NT5DC1: variants seen among roughly 807,000 people sequenced by gnomAD.
NT5DC1 encodes the protein 5'-nucleotidase domain containing 1.
In NT5DC1, 42 loss-of-function variants were observed where a neutral mutation model predicts 59.4. That is an observed-to-expected ratio of 0.71 (90% CI 0.55 to 0.92). The LOEUF is 0.92. Ranked by LOEUF, NT5DC1 falls within the 40% of genes least tolerant of loss-of-function variation. NT5DC1 has a pLI of 0.00. For missense variants in NT5DC1, 501 were observed against 537.1 expected (o/e 0.93, Z 0.66); for synonymous variants, 172 against 188.1 (o/e 0.91, Z 0.70).
intron 6 of NT5DC1, among the ~76,000 whole-genome samples, chr6:116,129,961 G>A (rs111517838): frequency 3.3e-5 from 5 of 151,898 alleles, no homozygotes; most frequent in African/African-American, 1.2e-4. Flanking sequence ...ACATTTTTTG[G>A]CAAGAACCCT....
chr6:116,241,939 C>CA lies in NT5DC1; in HGVS notation c.1253-1966dup, dbSNP rs1280732737. Among the ~76,000 whole-genome samples, 11 of 12,026 alleles carry CA rather than the reference C, an allele frequency of 9.1e-4. 2 individuals carry two copies. Among genetic ancestry groups the CA allele is most frequent in the African/African-American group, 2.1e-3 (7 of 3,340 alleles). 7.9% of individuals were successfully genotyped at this position (12,026 alleles called of 152,430 possible). On this transcript the variant is annotated intron_variant, in intron 11 of 11. Coordinates refer to ENST00000319550, the MANE Select transcript of NT5DC1 (RefSeq NM_152729.3). ...CTCCGTCTCAAAAAAAAAAAAAAAA[C>CA]AAAACAAAAAAAAAAAAAAACAAAG...
chr6:116,130,646 A>G (rs894907872), intron 6 of NT5DC1, among the ~76,000 whole-genome samples: 5 of 152,096 alleles, frequency 3.3e-5, no homozygotes, highest in African/African-American at 1.2e-4. Context: ...TAAGAAACGT[A>G]TGCACAGGGT....
At chr6:116,132,223 A>G (rs1169892461) in intron 6 of NT5DC1, among the ~76,000 whole-genome samples, 1 of 152,148 alleles carries the variant, frequency 6.6e-6, no homozygotes, top group Non-Finnish European at 1.5e-5. Context: ...AGCATCACCA[A>G]CAGGATATGT....
At chr6:116,154,944 C>G (rs1429414271) in intron 6 of NT5DC1, among the ~76,000 whole-genome samples, 1 of 152,060 alleles carries the variant, frequency 6.6e-6, no homozygotes, top group East Asian at 1.9e-4. Flanking sequence ...AAAAAACAAA[C>G]CATAAATAAC....
chr6:116,211,762 G>A (rs1355764403), intron 6 of NT5DC1, among the ~76,000 whole-genome samples: 1 of 151,998 alleles, frequency 6.6e-6, no homozygotes, highest in African/African-American at 2.4e-5. Flanking sequence ...CTATAACAAA[G>A]GGAGGGATAT....
intron 8 of NT5DC1, among the ~76,000 whole-genome samples, chr6:116,229,415 CA>C (rs955009250): frequency 6.6e-6 from 1 of 152,188 alleles, no homozygotes; most frequent in Non-Finnish European, 1.5e-5. Context: ...CGAAACACAG[CA>C]TGGCCTTAGC....
At chr6:116,193,791 C>T (rs1582865996) in intron 6 of NT5DC1, among the ~76,000 whole-genome samples, 1 of 151,912 alleles carries the variant, frequency 6.6e-6, no homozygotes, top group East Asian at 1.9e-4. Context: ...AGGAGTTGGG[C>T]CAGGCACAAT....
At chr6:116,170,658 T>C (rs1016753275) in intron 6 of NT5DC1, among the ~76,000 whole-genome samples, 2 of 152,226 alleles carry the variant, frequency 1.3e-5, no homozygotes, top group African/African-American at 4.8e-5. Context: ...GATAAAGCCA[T>C]GTTTCTTAGC....
chr6:116,119,920 G>T (rs938441824), intron 6 of NT5DC1: 6 of 734,894 alleles, frequency 8.2e-6, no homozygotes, highest in Non-Finnish European at 1.4e-5. Flanking sequence ...TCACTTTTCA[G>T]GGGGAAGGTT....
chr6:116,131,690 A>C (rs2114332335), intron 6 of NT5DC1, among the ~76,000 whole-genome samples: 1 of 152,168 alleles, frequency 6.6e-6, no homozygotes, highest in Middle Eastern at 3.4e-3. Context: ...TTTAACTTTT[A>C]AATTCAGGGG....
chr6:116,237,013 T>TGGTACTCC lies in NT5DC1; in HGVS notation c.851_858dup (p.Gln287GlyfsTer14). 6.2e-7 allele frequency: 1 copy of TGGTACTCC among 1,613,048 alleles called. No homozygotes were observed. The highest frequency in any genetic ancestry group is 1.1e-5 in the South Asian group (1 of 90,992). The stretch of plus-strand genomic sequence containing the variant: ...ACTGCCATCTCTGGATAAACCTGGC[T>TGGTACTCC]GGTACTCCCAAGGGAACGCTGTCCA... On this transcript the variant is annotated frameshift_variant, in exon 9 of 12. Transcript: ENST00000319550. LOFTEE classifies it high-confidence loss of function.
At chr6:116,146,278 T>C (rs1779896002) in intron 6 of NT5DC1, among the ~76,000 whole-genome samples, 2 of 152,228 alleles carry the variant, frequency 1.3e-5, no homozygotes, top group Admixed American at 1.3e-4. Flanking sequence ...TTATCTAGGC[T>C]TCAGAACAAA....
intron 1 of NT5DC1, among the ~76,000 whole-genome samples, chr6:116,104,833 T>C (rs75982086): frequency 0.046 from 7,042 of 152,234 alleles, 305 homozygotes; most frequent in Admixed American, 0.14. Flanking sequence ...AGTGTATTTT[T>C]TGTTGCTTTT....
At chr6:116,170,022 A>C (rs1417488075) in intron 6 of NT5DC1, among the ~76,000 whole-genome samples, 1 of 152,216 alleles carries the variant, frequency 6.6e-6, no homozygotes, top group Non-Finnish European at 1.5e-5. Context: ...AAGACAGTTA[A>C]TTGGCCATGG....
intron 3 of NT5DC1, among the ~76,000 whole-genome samples, chr6:116,109,231 CTT>C (rs1778818590): frequency 6.6e-6 from 1 of 152,212 alleles, no homozygotes; most frequent in South Asian, 2.1e-4. Flanking sequence ...TATGTACTCT[CTT>C]TTGTTGCATC....
At chr6:116,229,275 C>G (rs570676416) in intron 8 of NT5DC1, among the ~76,000 whole-genome samples, 14 of 152,350 alleles carry the variant, frequency 9.2e-5, no homozygotes, top group South Asian at 2.1e-4. Flanking sequence ...TTTGTCCTCA[C>G]TACATTCCCA....
chr6:116,185,818 T>G (rs571059455), intron 6 of NT5DC1, among the ~76,000 whole-genome samples: 10 of 152,122 alleles, frequency 6.6e-5, no homozygotes, highest in Non-Finnish European at 1.3e-4. Flanking sequence ...TCTTAGCCAT[T>G]CTGTCATTCT....
At chr6:116,154,414 C>T (rs1780128882) in intron 6 of NT5DC1, among the ~76,000 whole-genome samples, 1 of 152,068 alleles carries the variant, frequency 6.6e-6, no homozygotes, top group Non-Finnish European at 1.5e-5. Context: ...TGTTTTCTTA[C>T]CTGGCCCCTG....
intron 4 of NT5DC1, among the ~76,000 whole-genome samples, chr6:116,112,583 G>A (rs1437077731): frequency 6.6e-6 from 1 of 152,098 alleles, no homozygotes; most frequent in Non-Finnish European, 1.5e-5. Context: ...CACACACTAG[G>A]TACACTTAGT....
Sources: allele counts gnomAD v4.1 joint callset (sites outside exome capture counted in the v4.1 genomes callset), GRCh38; gene constraint gnomAD v4.1.1; transcripts MANE v1.5; gene names NCBI Gene and HGNC (gene_info 2026-07-23, HGNC 2026-07-21).